PIP5KL1: variants seen among roughly 807,000 people sequenced by gnomAD.
PIP5KL1 encodes the protein phosphatidylinositol-4-phosphate 5-kinase like 1.
A neutral mutation model predicts 47.6 loss-of-function variants in PIP5KL1; 45 were observed. The ratio of observed to expected loss-of-function variants is 0.94; its 90% confidence interval spans 0.74 to 1.21. The LOEUF is 1.21. PIP5KL1 is among the 50% of genes most tolerant of loss of function. PIP5KL1 has a pLI of 0.00. For missense variants in PIP5KL1, 577 were observed against 547.6 expected, an observed-to-expected ratio of 1.05 and a Z score of -0.54; for synonymous variants, 256 against 234.6, an observed-to-expected ratio of 1.09 and a Z score of -0.84.
intron 3 of PIP5KL1, 46 bp from the exon 4 acceptor site, chr9:127,928,265 G>A (rs746173531): frequency 6.5e-7 from 1 of 1,530,456 alleles, no homozygotes; most frequent in Admixed American, 2.1e-5. Flanking sequence ...CGTGGGCCCG[G>A]GTGTGTGCAG....
chr9:127,926,724 A>G (rs1416831501), intron 7 of PIP5KL1, among the ~76,000 whole-genome samples: 2 of 152,218 alleles, frequency 1.3e-5, no homozygotes, highest in African/African-American at 4.8e-5. Flanking sequence ...ATCCAACCCC[A>G]GGCGGTGGCA....
chr9:127,929,834 G>T lies in PIP5KL1; in HGVS notation c.82C>A (p.Arg28=). ...TCTCGGAGGCGCCAGAGAAGCCCCC[G>T]CCGGCTGGAGGTGACTGCTCTGCAT... The part of the protein sequence containing the change: ...AGCRAVTSSR[R]GLLWRLRDKQ... Residue 28 remains arginine (R), a synonymous_variant, in exon 2 of 10, where the codon CGG becomes AGG. Coordinates refer to ENST00000388747, the MANE Select transcript of PIP5KL1 (RefSeq NM_001135219.2). This position sits in a 1 kb window ranked among gnomAD's most constrained non-coding sequence, Gnocchi z 4.0. The T allele has an allele frequency of 6.5e-7, 1 of 1,547,252 alleles. No homozygotes were observed. Among genetic ancestry groups the T allele is most frequent in the South Asian group, 1.2e-5 (1 of 83,974 alleles).
chr9:127,922,198 A>AC (rs1810416046), intron 9 of PIP5KL1, 84 bp from the exon 10 acceptor site: 1 of 1,407,256 alleles, frequency 7.1e-7, no homozygotes, highest in South Asian at 1.5e-5. Context: ...CAGGCTGCCC[A>AC]CCCCTCCACC....
In PIP5KL1 at chr9:127,929,723, C is replaced by A; in HGVS notation, c.193G>T (p.Ala65Ser). ...TGGTCCATGGAGACCTGGGTGGCAG[C>A]CCACAGCCCTGCCTGCATCATGCAC... ...MTCMMQAGLW[A>S]ATQVSMDHPP... Residue 65 changes from alanine (A) to serine (S), a missense_variant, in exon 2 of 10, where the codon GCT becomes TCT. Transcript: ENST00000388747. This position sits in a 1 kb window ranked among gnomAD's most constrained non-coding sequence, Gnocchi z 4.0. The A allele has an allele frequency of 6.3e-7, 1 of 1,584,928 alleles. No homozygotes were observed. Among genetic ancestry groups the A allele is most frequent in the Non-Finnish European group, 8.6e-7 (1 of 1,164,312 alleles).
At chr9:127,923,661 C>G (rs1831320823) in intron 9 of PIP5KL1, among the ~76,000 whole-genome samples, 1 of 152,224 alleles carries the variant, frequency 6.6e-6, no homozygotes, top group South Asian at 2.1e-4. Context: ...CTCACCCATA[C>G]CAAGTTCTTC....
Position 127,928,499 on chromosome 9 carries a change from G to C in PIP5KL1, c.229-16C>G, listed in dbSNP as rs1233444335. ...AGGGCGGCCCCTGCAGGGAGAGGTA[G>C]AGGAGCTCAGGGCAACCCTCAGTCC... On this transcript the variant is annotated splice_polypyrimidine_tract_variant and intron_variant, in intron 2 of 9. Transcript: ENST00000388747. 1 of 1,579,282 alleles carries C rather than the reference G, an allele frequency of 6.3e-7. No individual in the cohort carries two copies. Among genetic ancestry groups the C allele is most frequent in the Admixed American group, 1.8e-5 (1 of 55,604 alleles).
chr9:127,924,455 T>TA (rs1831330300), intron 9 of PIP5KL1, among the ~76,000 whole-genome samples: 1 of 145,418 alleles, frequency 6.9e-6, no homozygotes. Flanking sequence ...CGCGCCACTG[T>TA]ACTCCAGCCT....
chr9:127,930,165 G>T (rs539444757), intron 1 of PIP5KL1, among the ~76,000 whole-genome samples: 4 of 152,288 alleles, frequency 2.6e-5, no homozygotes, highest in African/African-American at 7.2e-5. Context: ...CACCAACCTT[G>T]TGACCTTAGG....
chr9:127,929,311 A>G lies in PIP5KL1; in HGVS notation c.228+377T>C, dbSNP rs898022564. Among the ~76,000 whole-genome samples, 1 of 152,036 alleles carries G rather than the reference A, an allele frequency of 6.6e-6. No homozygotes were observed. The highest frequency in any genetic ancestry group is 2.4e-5 in the African/African-American group (1 of 41,388). On this transcript the variant is annotated intron_variant, in intron 2 of 9. Transcript: ENST00000388747. This position sits in a 1 kb window ranked among gnomAD's most constrained non-coding sequence, Gnocchi z 4.0. Reference sequence around the variant, plus strand: ...GCTGAGCCAGCCCTGCCTCAGCCTGAGCTCCAGAGAGGATGGGCTAGGCCA... The same window carrying G: ...GCTGAGCCAGCCCTGCCTCAGCCTGGGCTCCAGAGAGGATGGGCTAGGCCA...
At chr9:127,928,401 G>A (rs1336084386) in intron 3 of PIP5KL1, 32 bp downstream of exon 3, 11 of 1,583,786 alleles carry the variant, frequency 6.9e-6, no homozygotes, top group South Asian at 1.2e-5. Flanking sequence ...ACCAGCACAC[G>A]TCCCTCCCAC....
Position 127,927,378 on chromosome 9 carries a change from C to G in PIP5KL1, c.560-47G>C, listed in dbSNP as rs1376830129. ...GATGAGGATCCCCAAACTCCACAAC[C>G]CGGGGTGCATCCGGCGCCAATCCCA... is the stretch of plus-strand genomic sequence containing the variant. On this transcript the variant is annotated intron_variant, in intron 5 of 9. Transcript: ENST00000388747. This position sits in a 1 kb window ranked among gnomAD's most constrained non-coding sequence, Gnocchi z 5.5. 1.9e-6 allele frequency: 3 copies of G among 1,572,062 alleles called. No homozygotes were observed. The highest frequency in any genetic ancestry group is 8.6e-7 in the Non-Finnish European group (1 of 1,163,282).
In PIP5KL1 at chr9:127,925,175, C is replaced by A. The variant is rs376540034; in HGVS notation, c.849G>T (p.Leu283=). The part of the protein sequence containing the change: ...RELNVLDYSL[L]IAFQRLHEDE... ...CCTCGTGGAGACGTTGGAAGGCTAT[C>A]AGGAGGCTGTAATCCAGCACGTTGA... The change falls in exon 9 of 10, where the codon CTG becomes CTT. Residue 283 remains leucine (L), a synonymous_variant. Coordinates refer to ENST00000388747, the MANE Select transcript of PIP5KL1 (RefSeq NM_001135219.2). 15 of 1,614,054 alleles carry A rather than the reference C, an allele frequency of 9.3e-6. No homozygotes were observed. The highest frequency in any genetic ancestry group is 1.3e-5 in the Non-Finnish European group (15 of 1,180,034).
chr9:127,924,324 T>C (rs1004121915), intron 9 of PIP5KL1, among the ~76,000 whole-genome samples: 2 of 151,988 alleles, frequency 1.3e-5, no homozygotes. Context: ...ACCCCGTCTC[T>C]AATAAAAATA....
At chr9:127,928,324 C>T (rs1198400001) in intron 3 of PIP5KL1, 105 bp from the exon 4 acceptor site, 7 of 1,539,776 alleles carry the variant, frequency 4.5e-6, no homozygotes, top group Non-Finnish European at 6.1e-6. Context: ...TCCTGCAAGG[C>T]TCAAGTCTCA....
chr9:127,926,059 A>C (rs886071719), intron 7 of PIP5KL1, 80 bp from the exon 8 acceptor site: 48 of 918,694 alleles, frequency 5.2e-5, no homozygotes, highest in Non-Finnish European at 7.4e-5. Flanking sequence ...GTGACTACTT[A>C]TGTGCACTGA....
chr9:127,924,902 CCA>C (rs1036855003), intron 9 of PIP5KL1, among the ~76,000 whole-genome samples: 16 of 151,638 alleles, frequency 1.1e-4, no homozygotes, highest in African/African-American at 3.9e-4. Context: ...ACATGCACAC[CCA>C]CACACATGCA....
Position 127,922,065 on chromosome 9 carries a change from G to A in PIP5KL1, c.967C>T (p.Arg323Trp), listed in dbSNP as rs751976617. The A allele has an allele frequency of 2.6e-6, 4 of 1,561,328 alleles. No homozygotes were observed. Among genetic ancestry groups the A allele is most frequent in the African/African-American group, 1.4e-5 (1 of 73,538 alleles). Residue 323 changes from arginine to tryptophan, a missense_variant, in exon 10 of 10, where the codon CGG (arginine) becomes TGG (tryptophan). Arg to Trp is a moderately radical substitution (Grantham distance 101). Coordinates refer to ENST00000388747, the MANE Select transcript of PIP5KL1 (RefSeq NM_001135219.2). ...GCGTTGGGGGCGTCGGGCAGCAGCC[G>A]GCGGTTTTGGGCTCTCGACTCTTCC... ...SPEESRAQNR[R>W]LLPDAPNALH... is the part of the protein sequence containing the mutation.
intron 9 of PIP5KL1, among the ~76,000 whole-genome samples, chr9:127,922,930 G>A (rs1177749829): frequency 2.0e-5 from 3 of 152,094 alleles, no homozygotes; most frequent in African/African-American, 7.2e-5. Flanking sequence ...GGTAGCACTG[G>A]TCTATAGCTT....
rs1253434207 is a variant in PIP5KL1, at chr9:127,922,038, G to A, written c.994C>T (p.Leu332=). 8 of 1,568,864 alleles carry A rather than the reference G, an allele frequency of 5.1e-6. No individual in the cohort carries two copies. The highest frequency in any genetic ancestry group is 6.9e-6 in the Non-Finnish European group (8 of 1,158,266). Residue 332 remains leucine, a synonymous_variant, in exon 10 of 10, where the codon CTA becomes TTA. Coordinates refer to ENST00000388747, the MANE Select transcript of PIP5KL1 (RefSeq NM_001135219.2). ...TGCTCGGGCCCGTCCAGGATGTGTA[G>A]GGCGTTGGGGGCGTCGGGCAGCAGC... is the stretch of plus-strand genomic sequence containing the variant. ...RRLLPDAPNA[L]HILDGPEQRY...
Sources: allele counts gnomAD v4.1 joint callset (sites outside exome capture counted in the v4.1 genomes callset), GRCh38; gene constraint gnomAD v4.1.1; non-coding constraint Gnocchi (gnomAD v3.1); transcripts MANE v1.5; gene names NCBI Gene and HGNC (gene_info 2026-07-23, HGNC 2026-07-21).